Variants in FGF13 observed in about 807,000 individuals in gnomAD.
The protein encoded by FGF13 is fibroblast growth factor 13, also known as fibroblast growth factor homologous factor 2.
A neutral mutation model predicts 19.5 loss-of-function variants in FGF13; 2 were observed. The observed-to-expected ratio is 0.10, with a 90% CI of 0.04 to 0.32. FGF13 has a LOEUF of 0.32. Ranked by LOEUF, FGF13 falls within the 10% of genes least tolerant of loss-of-function variation. The pLI, the probability that FGF13 is intolerant of heterozygous loss-of-function variation, is 1.00. For synonymous variants in FGF13, 72 were observed against 76.9 expected (o/e 0.94, Z 0.33); for missense variants, 113 against 192.7 (o/e 0.59, Z 2.45).
chrX:138,635,462 A>C lies in FGF13; in HGVS notation c.596T>G (p.Leu199Arg). 8.3e-7 allele frequency: 1 copy of C among 1,208,344 alleles called. No homozygotes were observed. Among genetic ancestry groups the C allele is most frequent in the Non-Finnish European group, 1.1e-6 (1 of 892,290 alleles). The change falls in exon 4 of 5, where the codon CTG (leucine) becomes CGG (arginine). Residue 199 changes from leucine to arginine, a missense_variant. Leu to Arg is a moderately radical substitution (Grantham distance 102). This residue lies in a region of FGF13 where 43 missense variants were observed against 41.4 expected (regional missense o/e 1.04). Transcript: ENST00000315930. ...KPAAHFLPKPLKVAMYKEPSL... is the reference protein window; with the variant it reads ...KPAAHFLPKPRKVAMYKEPSL... ...TCCCACAATATCAAATGTACCTTTC[A>C]GTGGTTTAGGCAGAAAATGAGCTGC...
intron 3 of FGF13, among the ~76,000 whole-genome samples, chrX:138,809,463 C>T (rs886576388): frequency 6.3e-5 from 7 of 111,355 alleles, no homozygotes; most frequent in African/African-American, 1.3e-4. Context: ...ATAAGAGCTA[C>T]TTATGACAAA....
chrX:138,721,208 C>G (rs780782670), intron 1 of FGF13, among the ~76,000 whole-genome samples: 1 of 111,513 alleles, frequency 9.0e-6, no homozygotes, highest in African/African-American at 3.3e-5. Context: ...AGAGATTTTT[C>G]ACATGGGCAG....
intron 3 of FGF13, among the ~76,000 whole-genome samples, chrX:138,778,750 G>A (rs1237610859): frequency 1.8e-5 from 2 of 112,488 alleles, no homozygotes; most frequent in East Asian, 2.8e-4. Context: ...AGGGGCGCCC[G>A]CCATTGCCCA....
At position 139,164,688 on chromosome X, in the gene FGF13, CAAAT is replaced by C. The variant is rs778262336; in HGVS notation, c.-113+38724_-113+38727del. Among the ~76,000 whole-genome samples, 73 of 92,565 alleles carry C rather than the reference CAAAT, an allele frequency of 7.9e-4. 2 individuals are homozygous for C. Among genetic ancestry groups the C allele is most frequent in the Non-Finnish European group, 1.1e-3 (54 of 47,923 alleles). 80.4% of individuals were successfully genotyped at this position (92,565 alleles called of 115,157 possible). ...TGGGTGATAGAGTGAGACCTTGTCT[CAAAT>C]AAATAAATAAATAAATAAATAAATA... On this transcript the variant is annotated intron_variant, in intron 1 of 2. Transcript: ENST00000421460.
chrX:139,144,867 C>A (rs1490876119), intron 1 of FGF13, among the ~76,000 whole-genome samples: 1 of 110,888 alleles, frequency 9.0e-6, no homozygotes, highest in African/African-American at 3.3e-5. Flanking sequence ...TAAATAAAAA[C>A]AAAAAATTTT....
intron 3 of FGF13, among the ~76,000 whole-genome samples, chrX:138,808,349 C>T (rs762044589): frequency 1.8e-5 from 2 of 111,683 alleles, no homozygotes; most frequent in South Asian, 7.5e-4. Flanking sequence ...CTACTGGGTA[C>T]ATAATAAAAT....
chrX:138,780,097 C>T (rs1256227491), intron 3 of FGF13, among the ~76,000 whole-genome samples: 3 of 107,301 alleles, frequency 2.8e-5, no homozygotes, highest in African/African-American at 1.0e-4. Flanking sequence ...TAAAATACTT[C>T]ACAGACAAGC....
rs72616250 is a variant in FGF13 at position 138,762,840 on chromosome X, T to C, written c.218-53912A>G. On this transcript the variant is annotated intron_variant, in intron 3 of 6. Transcript: ENST00000436198. ...ATGATAATAATAGCTAATATTTACC[T>C]GAATCACAGTCTTCCTGTGTTCACT... is the stretch of plus-strand genomic sequence containing the variant. Among the ~76,000 whole-genome samples, 4 of 112,285 alleles carry C rather than the reference T, an allele frequency of 3.6e-5. No homozygotes were observed. In the East Asian group the frequency reaches 1.1e-3, roughly 32 times the overall value.
chrX:139,189,919 G>A (rs929047338), intron 1 of FGF13, among the ~76,000 whole-genome samples: 3 of 112,065 alleles, frequency 2.7e-5, no homozygotes, highest in African/African-American at 9.7e-5. Context: ...ATGGTGTATT[G>A]TCCTGAAGCT....
chrX:138,771,537 C>CATCTATTTTTGTTTGGGT (rs1365496000), intron 3 of FGF13, among the ~76,000 whole-genome samples: 1 of 111,121 alleles, frequency 9.0e-6, no homozygotes, highest in Admixed American at 9.7e-5. Context: ...TTTTTGTTTG[C>CATCTATTTTTGTTTGGGT]TACATCTGAA....
intron 1 of FGF13, among the ~76,000 whole-genome samples, chrX:139,107,525 G>C (rs1399230509): frequency 9.0e-6 from 1 of 111,367 alleles, no homozygotes; most frequent in African/African-American, 3.3e-5. Flanking sequence ...AGGGCTAAGT[G>C]AATATTGTGA....
rs139364030 is a variant in FGF13, at chrX:138,726,622, T to C, written c.28+12620A>G. ...ATTTTGACAAAAAGTCATAATCTCT[T>C]ATCTACTGTAGACCAACTGAGACGA... On this transcript the variant is annotated intron_variant, in intron 1 of 4. Coordinates refer to the FGF13 transcript ENST00000305414. Among the ~76,000 whole-genome samples, 1,007 of 112,037 alleles carry C rather than the reference T, an allele frequency of 9.0e-3. 9 individuals carry two copies. Among genetic ancestry groups the C allele is most frequent in the African/African-American group, 0.031 (949 of 30,875 alleles).
At chrX:138,912,565 G>A (rs1603025678) in intron 1 of FGF13, among the ~76,000 whole-genome samples, 2 of 111,885 alleles carry the variant, frequency 1.8e-5, no homozygotes, top group African/African-American at 6.5e-5. Flanking sequence ...AAGATTGATG[G>A]AAGTTGATCA....
At chrX:139,002,263 A>C (rs1289891111) in intron 1 of FGF13, among the ~76,000 whole-genome samples, 1 of 111,140 alleles carries the variant, frequency 9.0e-6, no homozygotes, top group Admixed American at 9.6e-5. Flanking sequence ...GGGTGTAGCA[A>C]ACTCACATGT....
intron 3 of FGF13, among the ~76,000 whole-genome samples, chrX:138,688,894 T>C (rs2089811717): frequency 8.9e-6 from 1 of 112,518 alleles, no homozygotes; most frequent in South Asian, 3.7e-4. Context: ...TGCATAGGTA[T>C]GCATGTGAAT....
At chrX:139,041,547 T>G (rs2092270145) in intron 1 of FGF13, among the ~76,000 whole-genome samples, 1 of 111,749 alleles carries the variant, frequency 8.9e-6, no homozygotes, top group Admixed American at 9.5e-5. Flanking sequence ...ATGAATTTCC[T>G]TTTTTATTAA....
chrX:139,109,235 C>T, intron 1 of FGF13, among the ~76,000 whole-genome samples: 1 of 111,616 alleles, frequency 9.0e-6, no homozygotes, highest in Non-Finnish European at 1.9e-5. Flanking sequence ...GGTATTAAAA[C>T]CTGTTCCTGT....
At chrX:138,769,047 C>T (rs778042095) in intron 3 of FGF13, among the ~76,000 whole-genome samples, 1 of 110,645 alleles carries the variant, frequency 9.0e-6, no homozygotes, top group Non-Finnish European at 1.9e-5. Context: ...TAACATGATT[C>T]GGTTGACTGT....
intron 1 of FGF13, among the ~76,000 whole-genome samples, chrX:138,973,601 C>A (rs948859450): frequency 2.4e-4 from 27 of 111,560 alleles, no homozygotes; most frequent in African/African-American, 7.2e-4. Context: ...GTGTTTAAGT[C>A]CCTTACTATT....
Sources: gnomAD v4.1 joint callset for allele counts (sites outside exome capture counted in the v4.1 genomes callset) on GRCh38, gnomAD v4.1.1 for gene constraint, gnomAD v4.1.1 regional missense constraint, MANE v1.5 for transcripts, NCBI Gene and HGNC (gene_info 2026-07-23, HGNC 2026-07-21) for gene names.